The following GATA5 variants were observed in gnomAD, a reference collection of about 807,000 sequenced individuals.
GATA5 encodes the protein transcription factor GATA-5.
Under a neutral mutation model 35.0 loss-of-function variants are expected in GATA5, and 27 were observed. The ratio of observed to expected loss-of-function variants is 0.77; its 90% CI spans 0.57 to 1.06. The LOEUF (loss-of-function observed/expected upper bound fraction) is 1.06. Ranked by LOEUF, GATA5 falls within the 50% of genes least tolerant of loss-of-function variation. The pLI, the probability that GATA5 is intolerant of heterozygous loss-of-function variation, is 0.00. For synonymous variants in GATA5, 306 were observed against 267.8 expected (o/e 1.14, Z -1.39); for missense variants, 612 against 580.0 (o/e 1.06, Z -0.57).
chr20:62,469,412 T>C (rs1989669853), intron 3 of GATA5, among the ~76,000 whole-genome samples: 1 of 152,232 alleles, frequency 6.6e-6, no homozygotes, highest in Non-Finnish European at 1.5e-5. Flanking sequence ...TCCTCTTCCC[T>C]GAACCAGAGG....
rs574764628 is a variant in GATA5 at position 62,471,432 on chromosome 20, A to ATTTTTTTTTTTTTTTTTTTTTTTTTT, written c.699+1970_699+1971insAAAAAAAAAAAAAAAAAAAAAAAAAA. 1.8e-3 allele frequency among the ~76,000 whole-genome samples: 149 copies of ATTTTTTTTTTTTTTTTTTTTTTTTTT among 81,754 alleles called. 22 individuals carry two copies. Among genetic ancestry groups the ATTTTTTTTTTTTTTTTTTTTTTTTTT allele is most frequent in the Middle Eastern group, 9.3e-3 (1 of 108 alleles). The allele number at this position is 81,754 out of a possible 152,430, so 53.6% of individuals were successfully genotyped here. A position where few individuals can be genotyped will look rare whatever the true frequency, so the allele number is the denominator to read the frequency against. ...TAAAGAGAAGTTAATTTCAATTACA[A>ATTTTTTTTTTTTTTTTTTTTTTTTTT]TTTTTTTTTTTTTTTTTGTGATGAG... On this transcript the variant is annotated intron_variant, in intron 3 of 6. Transcript: ENST00000252997.
At position 62,473,406 on chromosome 20, in the gene GATA5, G is replaced by C. The variant is rs1555896744; in HGVS notation, c.696C>G (p.Arg232=). 1 of 1,603,756 alleles carries C rather than the reference G, an allele frequency of 6.2e-7. No homozygotes were observed. ...VNRPLVRPQK[R]LSSSRRAGLC... ...CCTCTGCCCAGCCCGAACTCACCAG[G>C]CGCTTCTGAGGCCGAACGAGCGGCC... is the stretch of plus-strand genomic sequence containing the variant. Residue 232 remains arginine (R), a synonymous_variant, in exon 3 of 7, where the codon CGC becomes CGG. Coordinates refer to ENST00000252997, the MANE Select transcript of GATA5 (RefSeq NM_080473.5).
intron 3 of GATA5, among the ~76,000 whole-genome samples, chr20:62,472,774 C>G (rs1313806339): frequency 6.6e-6 from 1 of 152,216 alleles, no homozygotes; most frequent in African/African-American, 2.4e-5. Context: ...GTCCCCCACT[C>G]CCTGCTCAGC....
chr20:62,473,663 A>G, intron 2 of GATA5, 85 bp from the exon 3 acceptor site: 1 of 1,349,994 alleles, frequency 7.4e-7, no homozygotes, highest in South Asian at 1.4e-5. Context: ...TCCCCTCCCC[A>G]GGAGCCTGGC....
rs782521384 is a variant in GATA5, at chr20:62,466,406, G to T, written c.825+20C>A. On this transcript the variant is annotated intron_variant, in intron 4 of 6. Transcript: ENST00000252997. ...GGCTGGACAGAGGCCTCCCCGCCCT[G>T]CCCCGGGGACCACACTCACCCCGTG... 5 of 1,567,280 alleles carry T rather than the reference G, an allele frequency of 3.2e-6. No individual in the cohort carries two copies. Among genetic ancestry groups the T allele is most frequent in the Non-Finnish European group, 3.5e-6 (4 of 1,156,632 alleles).
chr20:62,468,377 G>C (rs537872134), intron 3 of GATA5, among the ~76,000 whole-genome samples: 1 of 152,364 alleles, frequency 6.6e-6, no homozygotes, highest in Admixed American at 6.5e-5. Flanking sequence ...ACCATCTCCT[G>C]CCTACCCTTC....
chr20:62,469,181 ATGCCTAGGTAAATGTGAATTTC>A (rs1335099919), intron 3 of GATA5, among the ~76,000 whole-genome samples: 13 of 152,344 alleles, frequency 8.5e-5, no homozygotes, highest in South Asian at 2.1e-4. Context: ...TTGACCCAGG[ATGCCTAGGTAAATGTGAATTTC>A]TGCCTAGGTA....
At position 62,463,553 on chromosome 20, in the gene GATA5, A is replaced by G. The variant is rs1989494663; in HGVS notation, c.*1283T>C. The G allele has an allele frequency of 6.6e-6, 1 of 152,156 alleles. No homozygotes were observed. Among genetic ancestry groups the G allele is most frequent in the Admixed American group, 6.5e-5 (1 of 15,288 alleles). 9.4% of individuals were successfully genotyped at this position (152,156 alleles called of 1,614,324 possible). ...TGGCTTCATTTGTCTCTTTTAGAAA[A>G]GATGACATCGCATAGAAGTGGGGCT... is the stretch of plus-strand genomic sequence containing the variant. On this transcript the variant is annotated 3_prime_UTR_variant, in exon 7 of 7. Transcript: ENST00000252997.
chr20:62,472,098 C>T (rs1046717105), intron 3 of GATA5, among the ~76,000 whole-genome samples: 6 of 152,016 alleles, frequency 3.9e-5, no homozygotes, highest in African/African-American at 9.7e-5. Flanking sequence ...GCCACGTGGA[C>T]GCCAGGCTGG....
In GATA5 at chr20:62,468,616, G is replaced by T. The variant is rs1989650886; in HGVS notation, c.700-2065C>A. Reference sequence around the variant, plus strand: ...CCCTGCCCTGAGCTCCATGACAAAGGGGCAGAAAGGAAAGGAGGGGGCCAG... The same window carrying T: ...CCCTGCCCTGAGCTCCATGACAAAGTGGCAGAAAGGAAAGGAGGGGGCCAG... On this transcript the variant is annotated intron_variant, in intron 3 of 6. Transcript: ENST00000252997. 2.0e-5 allele frequency among the ~76,000 whole-genome samples: 3 copies of T among 152,388 alleles called. No homozygotes were observed. In the South Asian group the frequency reaches 6.2e-4, roughly 32 times the overall value.
At chr20:62,473,674 G>C (rs1365874731) in intron 2 of GATA5, 96 bp from the exon 3 acceptor site, 2 of 1,225,066 alleles carry the variant, frequency 1.6e-6, no homozygotes, top group South Asian at 1.5e-5. Context: ...GGAGCCTGGC[G>C]GCTTTCGTCA....
chr20:62,466,589 G>C (rs782809590), intron 3 of GATA5, 38 bp from the exon 4 acceptor site: 1 of 1,533,232 alleles, frequency 6.5e-7, no homozygotes, highest in African/African-American at 1.4e-5. Context: ...GCCCCGGGCC[G>C]GGTGCGCGGC....
rs1233088930 is a variant in GATA5, at chr20:62,466,362, C to T, written c.825+64G>A. 1.5e-5 allele frequency: 22 copies of T among 1,492,324 alleles called. No homozygotes were observed. In the East Asian group the frequency reaches 2.0e-4, roughly 13 times the overall value. 92.4% of individuals were successfully genotyped at this position (1,492,324 alleles called of 1,614,324 possible). A position where few individuals can be genotyped will look rare whatever the true frequency, so the allele number is the denominator to read the frequency against. On this transcript the variant is annotated intron_variant, in intron 4 of 6. Transcript: ENST00000252997. ...TCCCCAGCCTCTTGGTCTGAGAGTG[C>T]GGACGGCGCTCGCTAGGAGGCTGGA...
intron 3 of GATA5, among the ~76,000 whole-genome samples, chr20:62,467,071 T>C (rs1217606918): frequency 6.6e-6 from 1 of 152,198 alleles, no homozygotes; most frequent in Non-Finnish European, 1.5e-5. Context: ...TGCTGTGCAC[T>C]GCGCCTGGTG....
chr20:62,466,374 G>T, intron 4 of GATA5, 52 bp downstream of exon 4: 2 of 1,524,362 alleles, frequency 1.3e-6, no homozygotes. Context: ...GACGGCGCTC[G>T]CTAGGAGGCT....
In GATA5 at chr20:62,473,425, A is replaced by C. The variant is rs1555896755; in HGVS notation, c.677T>G (p.Leu226Arg). ...YHKMNGVNRP[L>R]VRPQKRLSSS... ...CACCAGGCGCTTCTGAGGCCGAACG[A>C]GCGGCCGGTTGACGCCATTCATCTT... Residue 226 changes from leucine to arginine, a missense_variant, in exon 3 of 7, where the codon CTC becomes CGC. Leu to Arg is a moderately radical substitution (Grantham distance 102). Transcript: ENST00000252997. 2 of 1,609,212 alleles carry C rather than the reference A, an allele frequency of 1.2e-6. No individual in the cohort carries two copies. Among genetic ancestry groups the C allele is most frequent in the African/African-American group, 2.7e-5 (2 of 74,852 alleles).
intron 4 of GATA5, 139 bp downstream of exon 4, chr20:62,466,287 G>T: frequency 9.8e-7 from 1 of 1,020,796 alleles, no homozygotes; most frequent in Non-Finnish European, 1.4e-6. Context: ...CGGCCGGCCG[G>T]GACATGTGTG....
At chr20:62,474,897 T>TCGGAC in intron 2 of GATA5, 102 bp downstream of exon 2, 1 of 1,063,482 alleles carries the variant, frequency 9.4e-7, no homozygotes, top group Non-Finnish European at 1.2e-6. Flanking sequence ...GCAGGGAGGC[T>TCGGAC]CGGACCGTGG....
chr20:62,467,630 C>G (rs1322875324), intron 3 of GATA5, among the ~76,000 whole-genome samples: 4 of 152,232 alleles, frequency 2.6e-5, no homozygotes, highest in Non-Finnish European at 4.4e-5. Flanking sequence ...TTGCCAGGAT[C>G]ACAGTGGTGG....
Sources: gnomAD v4.1 joint callset for allele counts (sites outside exome capture counted in the v4.1 genomes callset) on GRCh38, gnomAD v4.1.1 for gene constraint, MANE v1.5 for transcripts, NCBI Gene and HGNC (gene_info 2026-07-23, HGNC 2026-07-21) for gene names.